The following ZNF254 variants were observed in gnomAD, a reference collection of about 807,000 sequenced individuals.
The protein encoded by ZNF254 is zinc finger protein 254.
In ZNF254, 10 loss-of-function variants were observed where a neutral mutation model predicts 12.4. The ratio of observed to expected loss-of-function variants is 0.80; its 90% CI spans 0.50 to 1.36. The LOEUF is 1.36. ZNF254 is among the 40% of genes most tolerant of loss of function. The pLI is 0.00. For missense variants in ZNF254, 996 were observed against 763.9 expected (o/e 1.30, Z -3.58); for synonymous variants, 305 against 253.4 (o/e 1.20, Z -1.93).
intron 1 of ZNF254, among the ~76,000 whole-genome samples, chr19:24,091,100 C>T (rs777281975): frequency 6.6e-5 from 10 of 151,810 alleles, no homozygotes; most frequent in Admixed American, 1.3e-4. Flanking sequence ...AGGCACACAC[C>T]ACCACACCTA....
intron 2 of ZNF254, chr19:24,079,863 A>C (rs963512769): frequency 6.6e-6 from 1 of 152,198 alleles, no homozygotes; most frequent in Non-Finnish European, 1.5e-5. Flanking sequence ...TTGTTTGTTG[A>C]AAGAGATGAA....
chr19:24,062,134 C>G (rs1971101863), intron 2 of ZNF254, among the ~76,000 whole-genome samples: 1 of 150,582 alleles, frequency 6.6e-6, no homozygotes, highest in Admixed American at 6.6e-5. Flanking sequence ...TCCTGGTGGT[C>G]TCTCTGTATG....
At chr19:24,110,849 C>G (rs920654049) in intron 3 of ZNF254, among the ~76,000 whole-genome samples, 4 of 151,698 alleles carry the variant, frequency 2.6e-5, no homozygotes, top group African/African-American at 9.7e-5. Flanking sequence ...TTAAAAGTGA[C>G]AAGATTTTTT....
intron 3 of ZNF254, among the ~76,000 whole-genome samples, chr19:24,109,917 A>G (rs1029168471): frequency 1.1e-4 from 16 of 146,434 alleles, no homozygotes; most frequent in African/African-American, 3.8e-4. Context: ...TTTAGTAGAG[A>G]CGGGGTTTGC....
intron 2 of ZNF254, among the ~76,000 whole-genome samples, chr19:24,049,215 T>TATATATATATA (rs1491192531): frequency 6.4e-4 from 17 of 26,614 alleles, no homozygotes; most frequent in East Asian, 5.9e-3. Flanking sequence ...TATATATATA[T>TATATATATATA]TTTTTTTTTT....
chr19:24,035,495 G>A (rs974083675), intron 1 of ZNF254, among the ~76,000 whole-genome samples: 2 of 152,088 alleles, frequency 1.3e-5, no homozygotes, highest in East Asian at 1.9e-4. Context: ...CATAGGCCGA[G>A]TGCGGTATTT....
At chr19:24,117,453 G>T (rs1054041732) in intron 3 of ZNF254, among the ~76,000 whole-genome samples, 12 of 152,296 alleles carry the variant, frequency 7.9e-5, no homozygotes, top group African/African-American at 2.4e-4. Flanking sequence ...TCAGACTGCT[G>T]TGCTAGCAAT....
At chr19:24,042,482 T>A (rs1049340924) in intron 1 of ZNF254, among the ~76,000 whole-genome samples, 9 of 152,270 alleles carry the variant, frequency 5.9e-5, no homozygotes, top group Admixed American at 4.6e-4. Context: ...GCACGCTGCT[T>A]TTAAGAGCTG....
At chr19:24,117,018 G>A (rs1359068425) in intron 3 of ZNF254, among the ~76,000 whole-genome samples, 2 of 152,138 alleles carry the variant, frequency 1.3e-5, no homozygotes, top group Non-Finnish European at 2.9e-5. Flanking sequence ...TGATTTTCGT[G>A]AACCGCGAAT....
chr19:24,057,772 A>C (rs995695562), intron 2 of ZNF254, among the ~76,000 whole-genome samples: 1 of 152,234 alleles, frequency 6.6e-6, no homozygotes, highest in Admixed American at 6.5e-5. Context: ...CTAAGGTGAA[A>C]CAGCCAGTAA....
chr19:24,038,495 A>G (rs1970045065), intron 1 of ZNF254, among the ~76,000 whole-genome samples: 1 of 151,820 alleles, frequency 6.6e-6, no homozygotes, highest in Admixed American at 6.6e-5. Context: ...TAATTCTGTA[A>G]TAATTTTTTT....
At chr19:24,089,748 ACC>A (rs1972253682) in intron 1 of ZNF254, among the ~76,000 whole-genome samples, 1 of 151,922 alleles carries the variant, frequency 6.6e-6, no homozygotes, top group Admixed American at 6.6e-5. Flanking sequence ...TATTGTCTTC[ACC>A]CAACCCAGCT....
chr19:24,125,692 C>G (rs1166251509), intron 3 of ZNF254, among the ~76,000 whole-genome samples: 1 of 152,176 alleles, frequency 6.6e-6, no homozygotes, highest in Non-Finnish European at 1.5e-5. Flanking sequence ...AGCGTCATCA[C>G]TTGCTACACC....
At chr19:24,064,861 C>A (rs1971213504) in intron 2 of ZNF254, among the ~76,000 whole-genome samples, 1 of 152,238 alleles carries the variant, frequency 6.6e-6, no homozygotes, top group Admixed American at 6.5e-5. Context: ...CTGGGTCCAA[C>A]AACATTATGA....
intron 2 of ZNF254, among the ~76,000 whole-genome samples, chr19:24,054,157 G>A (rs1054505895): frequency 6.6e-6 from 1 of 152,102 alleles, no homozygotes; most frequent in African/African-American, 2.4e-5. Flanking sequence ...CCCAGGTGAT[G>A]TGACTCTGTT....
rs114925239 is a variant in ZNF254, at chr19:24,101,380, A to T, written c.31-4560A>T. On this transcript the variant is annotated intron_variant, in intron 1 of 3. Transcript: ENST00000357002. ...GCATTTTCTGCATTGTGAGATGTCA[A>T]CATAGACATTTTAGATCCCTCCTTT... Among the ~76,000 whole-genome samples the T allele has an allele frequency of 9.1e-3, 1,380 of 152,304 alleles. 26 individuals are homozygous for T. The highest frequency in any genetic ancestry group is 0.031 in the African/African-American group (1,284 of 41,570).
chr19:24,105,277 CTTTT>C (rs1193083429), intron 1 of ZNF254: 1 of 165,210 alleles, frequency 6.1e-6, no homozygotes, highest in African/African-American at 2.4e-5. Flanking sequence ...TTGTCTTTTT[CTTTT>C]TTTTAGGTTT....
chr19:24,069,807 C>A (rs551730108), intron 2 of ZNF254, among the ~76,000 whole-genome samples: 2 of 151,822 alleles, frequency 1.3e-5, no homozygotes, highest in East Asian at 3.9e-4. Flanking sequence ...AAAAAATTAG[C>A]CAGATGTGGT....
intron 3 of ZNF254, among the ~76,000 whole-genome samples, chr19:24,113,277 C>T (rs1024154905): frequency 6.6e-6 from 1 of 152,124 alleles, no homozygotes; most frequent in Non-Finnish European, 1.5e-5. Flanking sequence ...ATGCAAAAAT[C>T]CTCAATAAAA....
Sources: gnomAD v4.1 joint callset for allele counts (sites outside exome capture counted in the v4.1 genomes callset) on GRCh38, gnomAD v4.1.1 for gene constraint, MANE v1.5 for transcripts, NCBI Gene and HGNC (gene_info 2026-07-23, HGNC 2026-07-21) for gene names.